The following ATP6V0C variants were observed in gnomAD, a reference collection of about 807,000 sequenced individuals.
ATP6V0C encodes V-type proton ATPase 16 kDa proteolipid subunit c.
Under a neutral mutation model 10.6 loss-of-function variants are expected in ATP6V0C, and 2 were observed. That is an observed-to-expected ratio of 0.19 (90% CI 0.08 to 0.59). ATP6V0C has a LOEUF of 0.59. Ranked by LOEUF, ATP6V0C falls within the 20% of genes least tolerant of loss-of-function variation. The pLI is 0.90. For synonymous variants in ATP6V0C, 128 were observed against 101.3 expected, an observed-to-expected ratio of 1.26 and a Z score of -1.59; for missense variants, 89 against 225.9, an observed-to-expected ratio of 0.39 and a Z score of 3.88.
chr16:2,514,665 C>T (rs999623836), intron 1 of ATP6V0C, among the ~76,000 whole-genome samples: 1 of 152,144 alleles, frequency 6.6e-6, no homozygotes, highest in South Asian at 2.1e-4. Flanking sequence ...GAGCCCATGT[C>T]CCCCACGGGA....
In ATP6V0C at chr16:2,519,765, G is replaced by T. The variant is rs1567124753; in HGVS notation, c.*20G>T. ...AAGTAGACCCTCTCCGAGCCCACCA[G>T]CCACAGAATATTATGTAAAGACCAC... is the stretch of plus-strand genomic sequence containing the variant. On this transcript the variant is annotated 3_prime_UTR_variant, in exon 3 of 3. Coordinates refer to ENST00000330398, the MANE Select transcript of ATP6V0C (RefSeq NM_001694.4). The T allele has an allele frequency of 6.3e-7, 1 of 1,585,030 alleles. No homozygotes were observed. Among genetic ancestry groups the T allele is most frequent in the Non-Finnish European group, 8.6e-7 (1 of 1,159,456 alleles).
At chr16:2,518,185 G>A (rs1210407909) in intron 1 of ATP6V0C, among the ~76,000 whole-genome samples, 1 of 152,260 alleles carries the variant, frequency 6.6e-6, no homozygotes, top group African/African-American at 2.4e-5. Context: ...CCCCTGTGGT[G>A]GCCCTGGAGG....
At position 2,514,051 on chromosome 16, in the gene ATP6V0C, C is replaced by T. The variant is rs2065863996; in HGVS notation, c.-53C>T. On this transcript the variant is annotated 5_prime_UTR_variant, in exon 1 of 3. Transcript: ENST00000330398. ...TTCGTGCCCGGCCCGTCCTCGCCCC[C>T]GCCTCCGCCACCGCCTCGGCCCGCA... The T allele has an allele frequency of 4.7e-6, 7 of 1,504,128 alleles. 1 individual carries two copies. The highest frequency in any genetic ancestry group is 2.0e-4 in the Middle Eastern group (1 of 4,938). 93.2% of individuals were successfully genotyped at this position (1,504,128 alleles called of 1,614,324 possible). A position where few individuals can be genotyped will look rare whatever the true frequency, so the allele number is the denominator to read the frequency against.
At position 2,519,970 on chromosome 16, in the gene ATP6V0C, C is replaced by A; in HGVS notation, c.*225C>A. The A allele has an allele frequency of 1.4e-6, 1 of 713,808 alleles. No individual in the cohort carries two copies. Among genetic ancestry groups the A allele is most frequent in the Non-Finnish European group, 2.5e-6 (1 of 398,108 alleles). The allele number at this position is 713,808 out of a possible 1,614,324, so 44.2% of individuals were successfully genotyped here. On this transcript the variant is annotated 3_prime_UTR_variant, in exon 3 of 3. Coordinates refer to ENST00000330398, the MANE Select transcript of ATP6V0C (RefSeq NM_001694.4). Reference sequence around the variant, plus strand: ...ATCGCCCCTCCAGGCCCCCGGCGCCCCACCCCCTAGAGTGCTCTGTGTATG... The same window carrying A: ...ATCGCCCCTCCAGGCCCCCGGCGCCACACCCCCTAGAGTGCTCTGTGTATG...
rs558602394 is a variant in ATP6V0C at position 2,514,115 on chromosome 16, C to T, written c.12C>T (p.Ser4=). The T allele has an allele frequency of 8.8e-6, 14 of 1,584,010 alleles. No individual in the cohort carries two copies. In the African/African-American group the frequency reaches 1.7e-4, roughly 19 times the overall value. Reference sequence around the variant, plus strand: ...CCCCACCCGCAGACATGTCCGAGTCCAAGAGCGGCCCCGAGTATGCTTCGT... The same window carrying T: ...CCCCACCCGCAGACATGTCCGAGTCTAAGAGCGGCCCCGAGTATGCTTCGT... MSE[S]KSGPEYASFF... The change falls in exon 1 of 3, where the codon TCC becomes TCT. Residue 4 remains serine, a synonymous_variant. Coordinates refer to ENST00000330398, the MANE Select transcript of ATP6V0C (RefSeq NM_001694.4).
intron 2 of ATP6V0C, 48 bp downstream of exon 2, chr16:2,519,449 AG>A (rs763510837): frequency 5.1e-6 from 8 of 1,575,950 alleles, no homozygotes; most frequent in African/African-American, 1.3e-5. Flanking sequence ...GACTGCAGGG[AG>A]GGGGGCGGTT....
chr16:2,516,138 G>A (rs2065876201), intron 1 of ATP6V0C, among the ~76,000 whole-genome samples: 1 of 147,986 alleles, frequency 6.8e-6, no homozygotes, highest in Non-Finnish European at 1.5e-5. Flanking sequence ...CTCAAGACAG[G>A]GTCTTGCTCT....
At chr16:2,515,877 TCCA>T (rs1335436789) in intron 1 of ATP6V0C, among the ~76,000 whole-genome samples, 1 of 152,150 alleles carries the variant, frequency 6.6e-6, no homozygotes, top group African/African-American at 2.4e-5. Flanking sequence ...CCTGAGTTTG[TCCA>T]CCAAGCCCTT....
chr16:2,515,342 C>T (rs1195090602), intron 1 of ATP6V0C, among the ~76,000 whole-genome samples: 2 of 152,198 alleles, frequency 1.3e-5, no homozygotes, highest in African/African-American at 4.8e-5. Context: ...ATGACCGTGC[C>T]CTGCCCCACC....
At chr16:2,518,102 C>T (rs1395919218) in intron 1 of ATP6V0C, 2 of 152,436 alleles carry the variant, frequency 1.3e-5, no homozygotes, top group South Asian at 2.1e-4. Context: ...CCCTAAAAGA[C>T]CATGGCATGA....
intron 1 of ATP6V0C, among the ~76,000 whole-genome samples, chr16:2,518,189 C>T (rs1433900682): frequency 2.6e-5 from 4 of 152,238 alleles, no homozygotes; most frequent in South Asian, 2.1e-4. Flanking sequence ...TGTGGTGGCC[C>T]TGGAGGGCAG....
intron 1 of ATP6V0C, chr16:2,517,714 T>TGTGC (rs1491489910): frequency 1.1e-3 from 4 of 3,766 alleles, no homozygotes; most frequent in African/African-American, 1.6e-3. Context: ...TCAGGCTGTT[T>TGTGC]GTGTGTGTGT....
chr16:2,514,234 T>G, intron 1 of ATP6V0C, 52 bp downstream of exon 1: 1 of 1,478,906 alleles, frequency 6.8e-7, no homozygotes, highest in Non-Finnish European at 9.1e-7. Flanking sequence ...GCGTTGCTCA[T>G]GCCCGCAGCT....
chr16:2,514,203 G>C, intron 1 of ATP6V0C, 21 bp downstream of exon 1: 1 of 1,534,616 alleles, frequency 6.5e-7, no homozygotes, highest in Non-Finnish European at 8.8e-7. Flanking sequence ...CGGCGGGAGG[G>C]ACTCGGGGGC....
rs1177823682 is a variant in ATP6V0C at position 2,514,109 on chromosome 16, C to T, written c.6C>T (p.Ser2=). The change falls in exon 1 of 3, where the codon TCC becomes TCT. Residue 2 remains serine, a synonymous_variant. Coordinates refer to ENST00000330398, the MANE Select transcript of ATP6V0C (RefSeq NM_001694.4). The part of the protein sequence containing the change: M[S]ESKSGPEYAS... ...CCCCCTCCCCACCCGCAGACATGTC[C>T]GAGTCCAAGAGCGGCCCCGAGTATG... 9 of 1,580,444 alleles carry T rather than the reference C, an allele frequency of 5.7e-6. No individual in the cohort carries two copies. Among genetic ancestry groups the T allele is most frequent in the South Asian group, 1.2e-5 (1 of 86,716 alleles).
Position 2,514,157 on chromosome 16 carries a change from C to T in ATP6V0C, c.54C>T (p.Gly18=), listed in dbSNP as rs1401327949. The T allele has an allele frequency of 6.3e-7, 1 of 1,584,048 alleles. No homozygotes were observed. Among genetic ancestry groups the T allele is most frequent in the Non-Finnish European group, 8.6e-7 (1 of 1,166,194 alleles). Residue 18 remains glycine (G), a synonymous_variant, in exon 1 of 3, where the codon GGC becomes GGT. Coordinates refer to ENST00000330398, the MANE Select transcript of ATP6V0C (RefSeq NM_001694.4). ...ATGCTTCGTTTTTCGCCGTCATGGG[C>T]GCCTCGGCCGCCATGGTCTTCAGCG... ...PEYASFFAVM[G]ASAAMVFSAL...
intron 1 of ATP6V0C, among the ~76,000 whole-genome samples, chr16:2,518,384 C>G (rs530690072): frequency 1.3e-5 from 2 of 152,222 alleles, no homozygotes; most frequent in African/African-American, 4.8e-5. Flanking sequence ...AGCACTGTTG[C>G]GGTGGGAGGC....
chr16:2,520,183 G>A lies in ATP6V0C; in HGVS notation c.*438G>A, dbSNP rs1414745886. ...CCCTCACCGCCGGGCCCGTGGCCCT[G>A]CGCGGAGCTGTGTCCAATAAAGTTC... On this transcript the variant is annotated 3_prime_UTR_variant, in exon 3 of 3. Transcript: ENST00000330398. The A allele has an allele frequency of 5.8e-6, 3 of 520,812 alleles. No homozygotes were observed. Among genetic ancestry groups the A allele is most frequent in the African/African-American group, 1.9e-5 (1 of 51,390 alleles). The allele number at this position is 520,812 out of a possible 1,614,324, so 32.3% of individuals were successfully genotyped here.
rs1408702708 is a variant in ATP6V0C at position 2,516,096 on chromosome 16, GCTTT to G, written c.79+1915_79+1918del. ...CTTCACTTGGCCAATTCAGACAACT[GCTTT>G]TTTTTTTTTTTTTTTTTTTCTCCCC... is the stretch of plus-strand genomic sequence containing the variant. On this transcript the variant is annotated intron_variant, in intron 1 of 2. Coordinates refer to ENST00000330398, the MANE Select transcript of ATP6V0C (RefSeq NM_001694.4). Among the ~76,000 whole-genome samples the G allele has an allele frequency of 4.7e-3, 677 of 144,400 alleles. 8 individuals carry two copies. Among genetic ancestry groups the G allele is most frequent in the African/African-American group, 0.017 (652 of 38,398 alleles). The allele number at this position is 144,400 out of a possible 152,430, so 94.7% of individuals were successfully genotyped here. A position where few individuals can be genotyped will look rare whatever the true frequency, so the allele number is the denominator to read the frequency against.
Sources: allele counts gnomAD v4.1 joint callset (sites outside exome capture counted in the v4.1 genomes callset), GRCh38; gene constraint gnomAD v4.1.1; transcripts MANE v1.5; gene names NCBI Gene and HGNC (gene_info 2026-07-23, HGNC 2026-07-21).